SLC24A3: variants seen among roughly 807,000 people sequenced by gnomAD.
The protein encoded by SLC24A3 is sodium/potassium/calcium exchanger 3.
In SLC24A3, 28 loss-of-function variants were observed where a neutral mutation model predicts 75.8. The ratio of observed to expected loss-of-function variants is 0.37; its 90% CI spans 0.27 to 0.51. The LOEUF (loss-of-function observed/expected upper bound fraction) is 0.51. Ranked by LOEUF, SLC24A3 falls within the 20% of genes least tolerant of loss-of-function variation. SLC24A3 has a pLI of 0.94. For synonymous variants in SLC24A3, 372 were observed against 334.1 expected (o/e 1.11, Z -1.24); for missense variants, 663 against 847.8 (o/e 0.78, Z 2.71).
At chr20:19,709,940 G>A (rs1326080410) in intron 15 of SLC24A3, among the ~76,000 whole-genome samples, 1 of 152,190 alleles carries the variant, frequency 6.6e-6, no homozygotes, top group African/African-American at 2.4e-5. Flanking sequence ...ACTTAGGGAT[G>A]CAACTGTCAT....
chr20:19,662,553 A>G (rs1176695520), intron 7 of SLC24A3, among the ~76,000 whole-genome samples: 3 of 152,234 alleles, frequency 2.0e-5, no homozygotes, highest in African/African-American at 4.8e-5. Flanking sequence ...CAGGCTGGAC[A>G]TGGAGGGAGG....
chr20:19,626,577 A>G (rs2031868979), intron 6 of SLC24A3, among the ~76,000 whole-genome samples: 1 of 152,240 alleles, frequency 6.6e-6, no homozygotes, highest in African/African-American at 2.4e-5. Flanking sequence ...AGTTCTTCCC[A>G]GGAAAACATA....
chr20:19,400,129 ATTGAT>A (rs1986524924), intron 2 of SLC24A3, among the ~76,000 whole-genome samples: 1 of 152,054 alleles, frequency 6.6e-6, no homozygotes, highest in African/African-American at 2.4e-5. Context: ...GCTTTGATTG[ATTGAT>A]TTATCTCCTC....
chr20:19,270,530 A>T (rs79896665), intron 1 of SLC24A3, among the ~76,000 whole-genome samples: 1 of 152,128 alleles, frequency 6.6e-6, no homozygotes, highest in Middle Eastern at 3.2e-3. Context: ...TCTGAATTGC[A>T]TACTGATATA....
Position 19,343,012 on chromosome 20 carries a change from G to A in SLC24A3, c.271+61925G>A, listed in dbSNP as rs1985304631. On this transcript the variant is annotated intron_variant, in intron 2 of 16. Coordinates refer to ENST00000328041, the MANE Select transcript of SLC24A3 (RefSeq NM_020689.4). ...GTGAACCCAGGAGGCGGAGCTTGCA[G>A]TGAGCCGAGATCATGCCACTGCACT... 2.1e-5 allele frequency among the ~76,000 whole-genome samples: 3 copies of A among 145,476 alleles called. No individual in the cohort carries two copies. In the Admixed American group the frequency reaches 2.2e-4, roughly 10 times the overall value.
At chr20:19,418,875 TC>T (rs1986868577) in intron 2 of SLC24A3, among the ~76,000 whole-genome samples, 1 of 152,108 alleles carries the variant, frequency 6.6e-6, no homozygotes. Context: ...TTGGAGAGAT[TC>T]CCACTGGCCA....
Position 19,257,863 on chromosome 20 carries a change from T to C in SLC24A3, c.143-23096T>C, listed in dbSNP as rs75471215. On this transcript the variant is annotated intron_variant, in intron 1 of 16. Coordinates refer to ENST00000328041, the MANE Select transcript of SLC24A3 (RefSeq NM_020689.4). The stretch of plus-strand genomic sequence containing the variant: ...TTTTTAGAGATAGGGTTTCCCTCTG[T>C]TGTCCAGGCTAAAATGCAGTGGGGA... Among the ~76,000 whole-genome samples, 1,114 of 152,312 alleles carry C rather than the reference T, an allele frequency of 7.3e-3. 13 individuals are homozygous for C. Among genetic ancestry groups the C allele is most frequent in the African/African-American group, 0.026 (1,066 of 41,566 alleles).
Position 19,681,879 on chromosome 20 carries a change from G to T in SLC24A3, c.789G>T (p.Gln263His). Reference sequence around the variant, plus strand: ...TCAGATATAACGCTTGCATACATCAGTGCTTTGAGAGGAGGACAAAAGGTG... The same window carrying T: ...TCAGATATAACGCTTGCATACATCATTGCTTTGAGAGGAGGACAAAAGGTG... Reference protein sequence around the residue: ...VIMKYNACIHQCFERRTKGAG... With the variant: ...VIMKYNACIHHCFERRTKGAG... The change falls in exon 10 of 17, where the codon CAG (glutamine) becomes CAT (histidine). Residue 263 changes from glutamine (Q) to histidine (H), a missense_variant. Coordinates refer to ENST00000328041, the MANE Select transcript of SLC24A3 (RefSeq NM_020689.4). 3 of 1,614,150 alleles carry T rather than the reference G, an allele frequency of 1.9e-6. No individual in the cohort carries two copies. The highest frequency in any genetic ancestry group is 2.5e-6 in the Non-Finnish European group (3 of 1,180,014).
intron 1 of SLC24A3, among the ~76,000 whole-genome samples, chr20:19,236,811 A>G (rs1413846028): frequency 6.6e-6 from 1 of 152,196 alleles, no homozygotes; most frequent in Non-Finnish European, 1.5e-5. Flanking sequence ...CACCAAGGGC[A>G]TATTGAAAGG....
At chr20:19,688,225 C>G (rs557421525) in intron 12 of SLC24A3, among the ~76,000 whole-genome samples, 3 of 152,220 alleles carry the variant, frequency 2.0e-5, no homozygotes, top group Non-Finnish European at 2.9e-5. Context: ...GGCTGCCCCC[C>G]ATCCTGTGAC....
intron 15 of SLC24A3, among the ~76,000 whole-genome samples, chr20:19,716,286 T>C (rs2033045768): frequency 6.6e-6 from 1 of 152,084 alleles, no homozygotes; most frequent in South Asian, 2.1e-4. Flanking sequence ...CTCTACATCA[T>C]GAAAGAAACT....
At chr20:19,344,645 T>G (rs951294542) in intron 2 of SLC24A3, among the ~76,000 whole-genome samples, 6 of 152,212 alleles carry the variant, frequency 3.9e-5, no homozygotes, top group African/African-American at 7.2e-5. Flanking sequence ...TACCACAGGC[T>G]TGTCTCCCAA....
intron 2 of SLC24A3, among the ~76,000 whole-genome samples, chr20:19,368,956 T>A (rs1343616062): frequency 6.6e-6 from 1 of 152,136 alleles, no homozygotes; most frequent in African/African-American, 2.4e-5. Context: ...CACATGTGAA[T>A]GAATGAATGA....
chr20:19,714,240 AAAC>A (rs1243049275), intron 15 of SLC24A3, among the ~76,000 whole-genome samples: 3 of 151,950 alleles, frequency 2.0e-5, no homozygotes, highest in African/African-American at 4.8e-5. Flanking sequence ...CTATCTTTAC[AAAC>A]AACAACAACA....
chr20:19,474,654 T>C (rs1481739615), intron 2 of SLC24A3, among the ~76,000 whole-genome samples: 2 of 152,224 alleles, frequency 1.3e-5, no homozygotes, highest in Admixed American at 6.5e-5. Flanking sequence ...GATGTTTTGA[T>C]ATATGTGTAT....
intron 2 of SLC24A3, among the ~76,000 whole-genome samples, chr20:19,407,316 G>A (rs1415059388): frequency 6.6e-6 from 1 of 152,178 alleles, no homozygotes; most frequent in Non-Finnish European, 1.5e-5. Context: ...CAGATGGAAA[G>A]CATTCGCCAT....
chr20:19,685,449 C>A (rs2032665577), intron 12 of SLC24A3, 88 bp downstream of exon 12: 4 of 1,536,638 alleles, frequency 2.6e-6, no homozygotes, highest in African/African-American at 1.4e-5. Context: ...TTTTACCATT[C>A]AATTTTTTAA....
intron 2 of SLC24A3, among the ~76,000 whole-genome samples, chr20:19,295,336 T>C (rs1984034004): frequency 6.6e-6 from 1 of 152,200 alleles, no homozygotes; most frequent in South Asian, 2.1e-4. Context: ...TCTTCTCCTA[T>C]TTGAATACCT....
At chr20:19,576,641 A>T (rs1317207948) in intron 3 of SLC24A3, among the ~76,000 whole-genome samples, 1 of 152,124 alleles carries the variant, frequency 6.6e-6, no homozygotes, top group Non-Finnish European at 1.5e-5. Flanking sequence ...GATAGTCATT[A>T]CCCTCAAAAG....
Sources: gnomAD v4.1 joint callset for allele counts (sites outside exome capture counted in the v4.1 genomes callset) on GRCh38, gnomAD v4.1.1 for gene constraint, MANE v1.5 for transcripts, NCBI Gene and HGNC (gene_info 2026-07-23, HGNC 2026-07-21) for gene names.